The following TASP1 variants were observed in gnomAD, a reference collection of about 807,000 sequenced individuals.
TASP1 encodes the protein threonine aspartase 1.
Under a neutral mutation model 56.6 loss-of-function variants are expected in TASP1, and 16 were observed. The ratio of observed to expected loss-of-function variants is 0.28; its 90% CI spans 0.19 to 0.43. The LOEUF is 0.43. TASP1 is among the 20% of genes least tolerant of loss of function. The pLI is 1.00. For missense variants in TASP1, 393 were observed against 511.6 expected, an observed-to-expected ratio of 0.77 and a Z score of 2.24; for synonymous variants, 179 against 184.2, an observed-to-expected ratio of 0.97 and a Z score of 0.23.
the TASP1 span, among the ~76,000 whole-genome samples, chr20:13,250,746 G>T: frequency 6.6e-6 from 1 of 152,116 alleles, no homozygotes; most frequent in South Asian, 2.1e-4. Context: ...GGAGTAATTG[G>T]CTCTCAGTAA....
At chr20:13,358,822 G>T in the TASP1 span, among the ~76,000 whole-genome samples, 2 of 151,130 alleles carry the variant, frequency 1.3e-5, no homozygotes, top group Non-Finnish European at 2.9e-5. Context: ...CGCCTGCCTT[G>T]GTCCTTCACC....
the TASP1 span, among the ~76,000 whole-genome samples, chr20:13,352,945 G>T: frequency 6.6e-6 from 1 of 152,146 alleles, no homozygotes; most frequent in Non-Finnish European, 1.5e-5. Flanking sequence ...GATAAAAGGT[G>T]CCTTCCCTGG....
chr20:13,279,925 AT>A, the TASP1 span: 1 of 1,602,114 alleles, frequency 6.2e-7, no homozygotes, highest in Non-Finnish European at 8.5e-7. Context: ...GTAATATAAA[AT>A]TGGTGGGAAG....
intron 4 of TASP1, among the ~76,000 whole-genome samples, chr20:13,612,018 G>A (rs1020815021): frequency 7.2e-5 from 11 of 152,264 alleles, no homozygotes; most frequent in South Asian, 6.2e-4. Context: ...CTAAGCTTGC[G>A]TAAATCTTCA....
At chr20:13,332,495 T>C in the TASP1 span, among the ~76,000 whole-genome samples, 1 of 152,226 alleles carries the variant, frequency 6.6e-6, no homozygotes, top group Non-Finnish European at 1.5e-5. Flanking sequence ...GAGCTTTTAA[T>C]GTGTGTGAAG....
At chr20:13,592,399 A>AAG (rs1317673417) in intron 4 of TASP1, among the ~76,000 whole-genome samples, 1 of 149,492 alleles carries the variant, frequency 6.7e-6, no homozygotes, top group African/African-American at 2.4e-5. Context: ...CACTGTCTCA[A>AAG]AAAAAAAAAA....
At chr20:13,552,370 A>G (rs2046008593) in intron 8 of TASP1, among the ~76,000 whole-genome samples, 1 of 152,210 alleles carries the variant, frequency 6.6e-6, no homozygotes, top group Non-Finnish European at 1.5e-5. Flanking sequence ...AATTTACAGA[A>G]GAAAGTCAAG....
chr20:13,615,554 G>A (rs2048493825), intron 4 of TASP1, among the ~76,000 whole-genome samples: 1 of 149,860 alleles, frequency 6.7e-6, no homozygotes, highest in Non-Finnish European at 1.5e-5. Context: ...ACCCAGGCTG[G>A]AGTGCAGTGG....
At chr20:13,269,565 T>G in the TASP1 span, among the ~76,000 whole-genome samples, 4 of 152,160 alleles carry the variant, frequency 2.6e-5, no homozygotes, top group Admixed American at 2.6e-4. Flanking sequence ...CCAAGCTCAT[T>G]CCCATCCTGG....
At chr20:13,373,357 T>C in the TASP1 span, among the ~76,000 whole-genome samples, 1 of 152,162 alleles carries the variant, frequency 6.6e-6, no homozygotes, top group African/African-American at 2.4e-5. Context: ...TTGTTTTTTC[T>C]CTATGGACTC....
At chr20:13,569,207 T>G (rs1224281032) in intron 7 of TASP1, among the ~76,000 whole-genome samples, 1 of 151,658 alleles carries the variant, frequency 6.6e-6, no homozygotes, top group Non-Finnish European at 1.5e-5. Context: ...TCTCTCTCCA[T>G]CTCTCTCTCT....
chr20:13,448,355 T>C (rs1407296081), intron 11 of TASP1, among the ~76,000 whole-genome samples: 2 of 152,116 alleles, frequency 1.3e-5, no homozygotes, highest in African/African-American at 4.8e-5. Context: ...AAATTTCGAG[T>C]GGCTTTATTT....
chr20:13,584,016 T>C (rs1403850024), intron 5 of TASP1, among the ~76,000 whole-genome samples: 1 of 152,060 alleles, frequency 6.6e-6, no homozygotes, highest in Non-Finnish European at 1.5e-5. Flanking sequence ...GAGGCAGAGG[T>C]TGCAGTGAGC....
chr20:13,347,566 C>T, the TASP1 span, among the ~76,000 whole-genome samples: 1 of 152,202 alleles, frequency 6.6e-6, no homozygotes, highest in Non-Finnish European at 1.5e-5. Context: ...TGGCCAGGCA[C>T]GGTGGCTCAC....
the TASP1 span, among the ~76,000 whole-genome samples, chr20:13,336,456 C>A: frequency 1.3e-5 from 2 of 152,056 alleles, no homozygotes; most frequent in Non-Finnish European, 2.9e-5. Context: ...GCCCTGTGCC[C>A]GCAGTGGAAG....
In TASP1 at chr20:13,390,300, A is replaced by C; in HGVS notation, c.*60T>G. The C allele has an allele frequency of 6.7e-7, 1 of 1,495,082 alleles. No individual in the cohort carries two copies. The highest frequency in any genetic ancestry group is 1.8e-5 in the Admixed American group (1 of 56,634). The allele number at this position is 1,495,082 out of a possible 1,614,324, so 92.6% of individuals were successfully genotyped here. A position where few individuals can be genotyped will look rare whatever the true frequency, so the allele number is the denominator to read the frequency against. On this transcript the variant is annotated 3_prime_UTR_variant, in exon 14 of 14. Coordinates refer to ENST00000337743, the MANE Select transcript of TASP1 (RefSeq NM_017714.3). ...GATAAAACAACCAACTTCAGTTAAA[A>C]ACCCCCAAAAGCTCAGGTTCTGAAA...
intron 10 of TASP1, among the ~76,000 whole-genome samples, chr20:13,484,690 C>T (rs372181354): frequency 2.8e-5 from 4 of 142,894 alleles, no homozygotes; most frequent in African/African-American, 1.0e-4. Flanking sequence ...GAGCTGAGAT[C>T]GAGCCATTGC....
At chr20:13,365,346 T>C in the TASP1 span, among the ~76,000 whole-genome samples, 1 of 152,202 alleles carries the variant, frequency 6.6e-6, no homozygotes, top group Non-Finnish European at 1.5e-5. Context: ...ACGGAGCATA[T>C]ACTCTAATGT....
At chr20:13,513,198 T>G (rs1414199669) in intron 10 of TASP1, among the ~76,000 whole-genome samples, 2 of 152,014 alleles carry the variant, frequency 1.3e-5, no homozygotes, top group Non-Finnish European at 2.9e-5. Flanking sequence ...TGACAGTGCT[T>G]CAAAAAAGTA....
Sources: allele counts gnomAD v4.1 joint callset (sites outside exome capture counted in the v4.1 genomes callset), GRCh38; gene constraint gnomAD v4.1.1; transcripts MANE v1.5; gene names NCBI Gene and HGNC (gene_info 2026-07-23, HGNC 2026-07-21).